The following TTC28 variants were observed in gnomAD, a reference collection of about 807,000 sequenced individuals.
The protein encoded by TTC28 is tetratricopeptide repeat domain 28.
A neutral mutation model predicts 198.0 loss-of-function variants in TTC28; 61 were observed. That is an observed-to-expected ratio of 0.31 (90% confidence interval 0.25 to 0.38). The LOEUF (loss-of-function observed/expected upper bound fraction) is 0.38. Among genes scored for constraint, TTC28 ranks in the 10% least tolerant of loss-of-function variants. The pLI is 1.00. For missense variants in TTC28, 2,678 were observed against 3,164.0 expected (o/e 0.85, Z 3.69); for synonymous variants, 1,171 against 1,297.8 (o/e 0.90, Z 2.10).
intron 2 of TTC28, among the ~76,000 whole-genome samples, chr22:28,310,151 CACACACACACACACACACACACAA>C (rs1014311740): frequency 7.8e-6 from 1 of 128,498 alleles, no homozygotes; most frequent in African/African-American, 3.1e-5. Context: ...CACACACACA[CACACACACACACACACACACACAA>C]AAAACAAGAC....
intron 12 of TTC28, among the ~76,000 whole-genome samples, chr22:28,043,335 T>C (rs1448439384): frequency 2.0e-5 from 3 of 151,604 alleles, no homozygotes; most frequent in African/African-American, 4.9e-5. Context: ...CACTGGTGAT[T>C]GTATCAGACG....
intron 2 of TTC28, among the ~76,000 whole-genome samples, chr22:28,404,932 C>T (rs1015992648): frequency 1.3e-5 from 2 of 152,160 alleles, no homozygotes; most frequent in Non-Finnish European, 2.9e-5. Flanking sequence ...TCTAATACTT[C>T]CTGAAATGCA....
intron 12 of TTC28, among the ~76,000 whole-genome samples, chr22:28,063,576 G>T (rs1940634227): frequency 6.6e-6 from 1 of 152,070 alleles, no homozygotes; most frequent in Non-Finnish European, 1.5e-5. Context: ...TTATGGGAAG[G>T]TTATCCTAGA....
chr22:28,077,190 T>C lies in TTC28; in HGVS notation c.3932+16890A>G, dbSNP rs567145120. On this transcript the variant is annotated intron_variant, in intron 12 of 22. Coordinates refer to ENST00000397906, the MANE Select transcript of TTC28 (RefSeq NM_001145418.2). Reference sequence around the variant, plus strand: ...AATGCCATCTGGGTTGTTTCCAGAATTTTGCTATTGTTTACAGTGCAGCTT... The same window carrying C: ...AATGCCATCTGGGTTGTTTCCAGAACTTTGCTATTGTTTACAGTGCAGCTT... Among the ~76,000 whole-genome samples the C allele has an allele frequency of 3.3e-5, 5 of 152,360 alleles. No individual in the cohort carries two copies. The South Asian group carries it at 1.0e-3, about 32-fold the overall frequency.
intron 2 of TTC28, among the ~76,000 whole-genome samples, chr22:28,392,053 T>G (rs1601328846): frequency 6.6e-6 from 1 of 152,212 alleles, no homozygotes. Context: ...TTAGTTTTCC[T>G]TCTAACAGAC....
chr22:28,359,657 C>A (rs2046128886), intron 2 of TTC28, among the ~76,000 whole-genome samples: 1 of 152,056 alleles, frequency 6.6e-6, no homozygotes, highest in Non-Finnish European at 1.5e-5. Context: ...AGAAACATAA[C>A]CTGATTCATG....
At chr22:28,324,151 A>G (rs951396141) in intron 2 of TTC28, among the ~76,000 whole-genome samples, 1 of 152,146 alleles carries the variant, frequency 6.6e-6, no homozygotes, top group Admixed American at 6.6e-5. Flanking sequence ...GACATTGATG[A>G]GCAATAAAAA....
At chr22:28,144,740 A>C (rs1323859902) in intron 6 of TTC28, among the ~76,000 whole-genome samples, 1 of 152,266 alleles carries the variant, frequency 6.6e-6, no homozygotes, top group African/African-American at 2.4e-5. Context: ...CAAATGCATC[A>C]AATGGGGAGC....
intron 2 of TTC28, among the ~76,000 whole-genome samples, chr22:28,408,269 C>T (rs2047029933): frequency 1.3e-5 from 2 of 152,130 alleles, no homozygotes; most frequent in African/African-American, 2.4e-5. Context: ...GGGAAGAACA[C>T]GGAGATTGAA....
At chr22:28,306,458 T>G in intron 3 of TTC28, 38 bp downstream of exon 3, 1 of 1,530,554 alleles carries the variant, frequency 6.5e-7, no homozygotes, top group Non-Finnish European at 8.8e-7. Context: ...TGATCTTCTT[T>G]AAATTAATGT....
At position 28,212,312 on chromosome 22, in the gene TTC28, C is replaced by A. The variant is rs565202649; in HGVS notation, c.934-48713G>T. On this transcript the variant is annotated intron_variant, in intron 5 of 22. Coordinates refer to ENST00000397906, the MANE Select transcript of TTC28 (RefSeq NM_001145418.2). ...TGAAGGAGATAGAGACACAAAAAAC[C>A]CTTCAAAAAATCAAGGAATCCAGGA... 2.6e-5 allele frequency among the ~76,000 whole-genome samples: 4 copies of A among 151,640 alleles called. 1 individual carries two copies. In the South Asian group the frequency reaches 8.4e-4, roughly 32 times the overall value.
intron 5 of TTC28, among the ~76,000 whole-genome samples, chr22:28,234,321 C>T (rs573888332): frequency 5.9e-4 from 89 of 152,114 alleles, no homozygotes; most frequent in Non-Finnish European, 8.1e-4. Context: ...GGATTACAGG[C>T]GTGAGCCACC....
Position 28,473,675 on chromosome 22 carries a change from C to A in TTC28, c.381+155877G>T, listed in dbSNP as rs552472524. Among the ~76,000 whole-genome samples the A allele has an allele frequency of 2.0e-5, 3 of 152,336 alleles. No individual in the cohort carries two copies. In the East Asian group the frequency reaches 5.8e-4, roughly 29 times the overall value. On this transcript the variant is annotated intron_variant, in intron 2 of 22. Coordinates refer to ENST00000397906, the MANE Select transcript of TTC28 (RefSeq NM_001145418.2). The stretch of plus-strand genomic sequence containing the variant: ...TGTACACTGCCACTTTCAATAAAAG[C>A]TGCTAACACCACTGCATGCCCTTGA...
intron 5 of TTC28, among the ~76,000 whole-genome samples, chr22:28,231,296 C>T (rs543701711): frequency 5.3e-5 from 8 of 152,152 alleles, no homozygotes; most frequent in Admixed American, 1.3e-4. Flanking sequence ...ACTGAATACA[C>T]GGATAAGTTC....
intron 1 of TTC28, among the ~76,000 whole-genome samples, chr22:28,634,418 G>A (rs1223645102): frequency 1.3e-5 from 2 of 150,586 alleles, no homozygotes; most frequent in African/African-American, 4.9e-5. Context: ...GCTGAGGCAG[G>A]AGAATTGCTT....
chr22:28,656,375 C>A lies in TTC28; in HGVS notation c.102+23247G>T, dbSNP rs1008185519. Reference sequence around the variant, plus strand: ...GTCATTAAGGCAGCACTCACAGGAACAGCAGAGAGGAAGGCCATGACGAGG... The same window carrying A: ...GTCATTAAGGCAGCACTCACAGGAAAAGCAGAGAGGAAGGCCATGACGAGG... On this transcript the variant is annotated intron_variant, in intron 1 of 22. Coordinates refer to ENST00000397906, the MANE Select transcript of TTC28 (RefSeq NM_001145418.2). 1.8e-4 allele frequency among the ~76,000 whole-genome samples: 27 copies of A among 152,314 alleles called. No individual in the cohort carries two copies. In the Middle Eastern group the frequency reaches 0.01, roughly 58 times the overall value.
At chr22:28,010,595 C>T (rs1479533923) in intron 14 of TTC28, among the ~76,000 whole-genome samples, 4 of 152,162 alleles carry the variant, frequency 2.6e-5, no homozygotes, top group Admixed American at 1.3e-4. Flanking sequence ...ACTGGCTCAG[C>T]GTGGACACCT....
At chr22:28,140,013 G>C (rs1043342980) in intron 6 of TTC28, among the ~76,000 whole-genome samples, 3 of 152,134 alleles carry the variant, frequency 2.0e-5, no homozygotes, top group Admixed American at 2.0e-4. Context: ...CAGCAAGGTG[G>C]CCAAGGTAAA....
At chr22:28,106,574 T>C (rs923130017) in intron 7 of TTC28, among the ~76,000 whole-genome samples, 1 of 152,140 alleles carries the variant, frequency 6.6e-6, no homozygotes, top group African/African-American at 2.4e-5. Context: ...GCATGCAACA[T>C]AGTACATTTA....
Sources: gnomAD v4.1 joint callset for allele counts (sites outside exome capture counted in the v4.1 genomes callset) on GRCh38, gnomAD v4.1.1 for gene constraint, MANE v1.5 for transcripts, NCBI Gene and HGNC (gene_info 2026-07-23, HGNC 2026-07-21) for gene names.